Variants in SMC6 observed in about 807,000 individuals in gnomAD.
SMC6 encodes the protein structural maintenance of chromosomes protein 6.
In SMC6, 79 loss-of-function variants were observed where a neutral mutation model predicts 142.2. The ratio of observed to expected loss-of-function variants is 0.56; its 90% CI spans 0.46 to 0.67. SMC6 has a LOEUF of 0.67. SMC6 is among the 30% of genes least tolerant of loss of function. The pLI, the probability that SMC6 is intolerant of heterozygous loss-of-function variation, is 0.00. For missense variants in SMC6, 1,072 were observed against 1,284.0 expected, an observed-to-expected ratio of 0.83 and a Z score of 2.52; for synonymous variants, 411 against 412.4, an observed-to-expected ratio of 1.00 and a Z score of 0.04.
In SMC6 at chr2:17,717,086, ACCTT is replaced by A. The variant is rs1669127925; in HGVS notation, c.1179_1181+1del. 6.2e-7 allele frequency: 1 copy of A among 1,609,218 alleles called. No homozygotes were observed. Among genetic ancestry groups the A allele is most frequent in the Non-Finnish European group, 8.5e-7 (1 of 1,178,734 alleles). Reference sequence around the variant, plus strand: ...ATGAAAATTTCAAAGTAACTACCCTACCTTTTTTTCAGCTCTTCAATTCGTTTAC... The same window carrying A: ...ATGAAAATTTCAAAGTAACTACCCTATTTTTCAGCTCTTCAATTCGTTTAC... On this transcript the variant is annotated splice_donor_variant and coding_sequence_variant, in exon 13 of 28. Transcript: ENST00000448223. LOFTEE classifies it high-confidence loss of function.
intron 16 of SMC6, among the ~76,000 whole-genome samples, chr2:17,714,388 C>T (rs377600665): frequency 1.3e-5 from 2 of 152,182 alleles, no homozygotes; most frequent in African/African-American, 4.8e-5. Context: ...GCCCCTGTGC[C>T]TGGCCTACAT....
intron 16 of SMC6, among the ~76,000 whole-genome samples, chr2:17,711,667 G>A (rs563218588): frequency 1.3e-5 from 2 of 152,088 alleles, no homozygotes; most frequent in Non-Finnish European, 2.9e-5. Context: ...TCTGTCACCT[G>A]GAGTGCAGTG....
At chr2:17,698,426 T>C (rs1428961649) in intron 21 of SMC6, among the ~76,000 whole-genome samples, 1 of 152,082 alleles carries the variant, frequency 6.6e-6, no homozygotes, top group Non-Finnish European at 1.5e-5. Context: ...CACACATATT[T>C]AGAATTGCTA....
chr2:17,685,051 G>GA (rs1667387930), intron 23 of SMC6, among the ~76,000 whole-genome samples: 1 of 150,188 alleles, frequency 6.7e-6, no homozygotes, highest in Non-Finnish European at 1.5e-5. Context: ...AAAATGAGAA[G>GA]ATGCATAGGA....
chr2:17,731,698 T>C, intron 6 of SMC6, 43 bp downstream of exon 6: 2 of 1,575,210 alleles, frequency 1.3e-6, no homozygotes, highest in East Asian at 2.2e-5. Flanking sequence ...TTTTGAGTAT[T>C]TCCTAATATT....
chr2:17,668,511 T>A (rs977525679), intron 26 of SMC6, among the ~76,000 whole-genome samples: 5 of 152,004 alleles, frequency 3.3e-5, no homozygotes, highest in African/African-American at 1.2e-4. Flanking sequence ...AATGGGCAAC[T>A]GCAACAGAAT....
chr2:17,668,355 T>C (rs912384600), intron 26 of SMC6, among the ~76,000 whole-genome samples: 7 of 152,192 alleles, frequency 4.6e-5, no homozygotes, highest in East Asian at 1.9e-4. Context: ...TGAACTATTA[T>C]ACAGCACTCA....
At chr2:17,726,585 G>T in intron 7 of SMC6, 116 bp from the exon 8 acceptor site, 1 of 698,010 alleles carries the variant, frequency 1.4e-6, no homozygotes, top group South Asian at 2.0e-5. Context: ...CCAAGCAATA[G>T]CCAAAGGTTA....
intron 27 of SMC6, among the ~76,000 whole-genome samples, chr2:17,666,071 T>C (rs1451561141): frequency 6.6e-6 from 1 of 152,156 alleles, no homozygotes; most frequent in Non-Finnish European, 1.5e-5. Flanking sequence ...AGATTGACAT[T>C]TGTAAGTCAC....
At chr2:17,713,588 G>C in intron 16 of SMC6, 1 of 467,370 alleles carries the variant, frequency 2.1e-6, no homozygotes, top group Non-Finnish European at 4.4e-6. Flanking sequence ...GTCCTAAAAT[G>C]ACAGTTCAGA....
intron 4 of SMC6, among the ~76,000 whole-genome samples, chr2:17,738,766 C>T (rs932361222): frequency 3.9e-5 from 6 of 152,170 alleles, no homozygotes; most frequent in Admixed American, 2.0e-4. Context: ...TATCCTCCTG[C>T]CTCAGCCTCC....
Position 17,714,923 on chromosome 2 carries a change from C to T in SMC6, c.1668G>A (p.Gly556=). Reference sequence around the variant, plus strand: ...AAACTATTATCGGTGGCCGTGAGGTCCCTGGTAAATAAAACCTTTTCATGA... The same window carrying T: ...AAACTATTATCGGTGGCCGTGAGGTTCCTGGTAAATAAAACCTTTTCATGA... The part of the protein sequence containing the change: ...QALMKRFYLP[G]TSRPPIIVSE... The change falls in exon 16 of 28, where the codon GGG becomes GGA. Residue 556 remains glycine, a synonymous_variant. Transcript: ENST00000448223. 1 of 1,613,752 alleles carries T rather than the reference C, an allele frequency of 6.2e-7. No homozygotes were observed. Among genetic ancestry groups the T allele is most frequent in the South Asian group, 1.1e-5 (1 of 91,030 alleles).
intron 23 of SMC6, among the ~76,000 whole-genome samples, chr2:17,688,327 A>C (rs568111072): frequency 6.6e-6 from 1 of 151,992 alleles, no homozygotes; most frequent in East Asian, 1.9e-4. Flanking sequence ...AAAAAAAAAA[A>C]AAAACAAGAA....
At chr2:17,672,040 AT>A (rs1233342397) in intron 25 of SMC6, among the ~76,000 whole-genome samples, 1 of 152,094 alleles carries the variant, frequency 6.6e-6, no homozygotes, top group Non-Finnish European at 1.5e-5. Context: ...AAATATTCCA[AT>A]TCTAAACATA....
intron 23 of SMC6, among the ~76,000 whole-genome samples, chr2:17,686,319 T>TA (rs1667451840): frequency 6.6e-6 from 1 of 152,138 alleles, no homozygotes; most frequent in Admixed American, 6.6e-5. Context: ...CTGTCTCTAC[T>TA]AAAAATACAA....
At chr2:17,690,136 G>T (rs1422409176) in intron 23 of SMC6, among the ~76,000 whole-genome samples, 1 of 152,166 alleles carries the variant, frequency 6.6e-6, no homozygotes, top group Non-Finnish European at 1.5e-5. Flanking sequence ...AACTAATAGA[G>T]AAATGTAATA....
chr2:17,734,533 T>C (rs1371732565), intron 5 of SMC6, among the ~76,000 whole-genome samples: 1 of 151,420 alleles, frequency 6.6e-6, no homozygotes, highest in Non-Finnish European at 1.5e-5. Flanking sequence ...GTATGATTAC[T>C]TGGCATTAAG....
chr2:17,703,351 ACTTTAGAC>A (rs1316482924), intron 18 of SMC6, 59 bp from the exon 19 acceptor site: 1 of 1,451,846 alleles, frequency 6.9e-7, no homozygotes, highest in African/African-American at 1.5e-5. Flanking sequence ...TATTACAAAT[ACTTTAGAC>A]CTTTACAAAG....
At chr2:17,720,792 A>C in intron 11 of SMC6, 148 bp downstream of exon 11, 1 of 668,880 alleles carries the variant, frequency 1.5e-6, no homozygotes. Context: ...CTTGAAAACA[A>C]GCTTAGGTCT....
Sources: allele counts gnomAD v4.1 joint callset (sites outside exome capture counted in the v4.1 genomes callset), GRCh38; gene constraint gnomAD v4.1.1; transcripts MANE v1.5; gene names NCBI Gene and HGNC (gene_info 2026-07-23, HGNC 2026-07-21).